Variants in MRPL47 observed in about 807,000 individuals in gnomAD.
MRPL47 encodes the protein large ribosomal subunit protein uL29m.
Under a neutral mutation model 34.0 loss-of-function variants are expected in MRPL47, and 31 were observed. The ratio of observed to expected loss-of-function variants is 0.91; its 90% confidence interval spans 0.68 to 1.23. The LOEUF (loss-of-function observed/expected upper bound fraction) is 1.23, where lower values mean the gene tolerates loss of function less well. Among genes scored for constraint, MRPL47 ranks in the 50% most tolerant of loss-of-function variants. MRPL47 has a pLI of 0.00. For synonymous variants in MRPL47, 106 were observed against 101.6 expected, an observed-to-expected ratio of 1.04 and a Z score of -0.26; for missense variants, 328 against 285.8, an observed-to-expected ratio of 1.15 and a Z score of -1.07.
intron 5 of MRPL47, among the ~76,000 whole-genome samples, chr3:179,593,479 CA>C (rs1296263548): frequency 3.3e-5 from 5 of 152,324 alleles, no homozygotes; most frequent in Admixed American, 1.3e-4. Flanking sequence ...ATCAAATTCT[CA>C]AAAGGCCTTG....
intron 4 of MRPL47, 53 bp from the exon 5 acceptor site, chr3:179,593,948 C>A: frequency 6.5e-7 from 1 of 1,533,178 alleles, no homozygotes; most frequent in Non-Finnish European, 8.9e-7. Flanking sequence ...TACAAAATTC[C>A]CAAAAAAGAG....
At chr3:179,589,559 A>C (rs1012589132) in intron 6 of MRPL47, among the ~76,000 whole-genome samples, 3 of 152,218 alleles carry the variant, frequency 2.0e-5, no homozygotes, top group Non-Finnish European at 4.4e-5. Flanking sequence ...AATGAAAAAA[A>C]TCCTTGCATA....
Position 179,601,776 on chromosome 3 carries a change from A to G in MRPL47, c.259T>C (p.Cys87Arg), listed in dbSNP as rs201249608. 101 of 1,609,384 alleles carry G rather than the reference A, an allele frequency of 6.3e-5. No homozygotes were observed. The East Asian group carries it at 1.5e-3, about 23-fold the overall frequency. The change falls in exon 3 of 7, where the codon TGT becomes CGT. Residue 87 changes from cysteine to arginine, a missense_variant. Coordinates refer to ENST00000476781, the MANE Select transcript of MRPL47 (RefSeq NM_020409.3). The part of the protein sequence containing the change: ...EKVKSGAAWT[C>R]QQLRNKSNED... ...TTACTTTTGTTCCTTAGTTGCTGAC[A>G]GGTCCATGCTGCTCCTATTAAAATA...
chr3:179,593,650 A>C, intron 5 of MRPL47, 115 bp downstream of exon 5: 3 of 857,564 alleles, frequency 3.5e-6, no homozygotes, highest in Non-Finnish European at 3.4e-6. Context: ...TTTATTAGAC[A>C]TATCTCTAAT....
intron 6 of MRPL47, among the ~76,000 whole-genome samples, chr3:179,591,448 T>C (rs929830699): frequency 2.0e-5 from 3 of 152,178 alleles, no homozygotes; most frequent in Admixed American, 2.0e-4. Flanking sequence ...AAAATAGCTC[T>C]TTAAAAAAAA....
At position 179,598,715 on chromosome 3, in the gene MRPL47, C is replaced by T. The variant is rs917879069; in HGVS notation, c.362G>A (p.Arg121Gln). The T allele has an allele frequency of 3.7e-6, 6 of 1,613,064 alleles. No individual in the cohort carries two copies. The East Asian group carries it at 8.9e-5, about 24-fold the overall frequency. Residue 121 changes from arginine to glutamine, a missense_variant, in exon 4 of 7, where the codon CGG becomes CAG. Arg to Gln is a conservative substitution (Grantham distance 43). Coordinates refer to ENST00000476781, the MANE Select transcript of MRPL47 (RefSeq NM_020409.3). ...MLLTLEQEAK[R>Q]QRLPMPSPER... is the part of the protein sequence containing the mutation. ...TGGACTTGGCATTGGCAATCTCTGCCGCTTGGCCTCCTGCTCTAGGGTTAG... is the reference window on the plus strand; with the variant it reads ...TGGACTTGGCATTGGCAATCTCTGCTGCTTGGCCTCCTGCTCTAGGGTTAG...
chr3:179,595,473 A>C (rs1217367127), intron 4 of MRPL47, among the ~76,000 whole-genome samples: 1 of 152,250 alleles, frequency 6.6e-6, no homozygotes, highest in Non-Finnish European at 1.5e-5. Flanking sequence ...CTGAAAAAGA[A>C]ATGATGACTA....
intron 6 of MRPL47, 129 bp from the exon 7 acceptor site, chr3:179,589,124 A>G (rs1718603259): frequency 6.8e-6 from 6 of 885,386 alleles, no homozygotes; most frequent in East Asian, 2.7e-5. Flanking sequence ...GGTGTGTTAT[A>G]TATATTATTA....
At chr3:179,590,915 C>T (rs542972283) in intron 6 of MRPL47, among the ~76,000 whole-genome samples, 12 of 152,180 alleles carry the variant, frequency 7.9e-5, no homozygotes, top group Admixed American at 1.3e-4. Flanking sequence ...AGATGACTGA[C>T]GGTTTAGGGC....
At chr3:179,589,633 T>TA (rs1185090619) in intron 6 of MRPL47, among the ~76,000 whole-genome samples, 14 of 152,120 alleles carry the variant, frequency 9.2e-5, no homozygotes, top group African/African-American at 3.4e-4. Context: ...TTATATAAAA[T>TA]ACAGCAATAA....
Position 179,593,745 on chromosome 3 carries a change from C to G in MRPL47, c.533+20G>C. 6.3e-7 allele frequency: 1 copy of G among 1,597,692 alleles called. No homozygotes were observed. The highest frequency in any genetic ancestry group is 2.2e-5 in the East Asian group (1 of 44,532). On this transcript the variant is annotated intron_variant, in intron 5 of 6. Transcript: ENST00000476781. ...GATTTCCACTCTCATCTTAGAAGAG[C>G]CACAGTGTTAACTACATACCAGATG...
At chr3:179,593,434 T>C (rs1718719219) in intron 5 of MRPL47, among the ~76,000 whole-genome samples, 1 of 152,216 alleles carries the variant, frequency 6.6e-6, no homozygotes, top group Admixed American at 6.5e-5. Flanking sequence ...TATGTGTACA[T>C]GTACATTTTT....
At chr3:179,598,427 A>ACACACACACAC (rs1445696121) in intron 4 of MRPL47, among the ~76,000 whole-genome samples, 70 of 49,136 alleles carry the variant, frequency 1.4e-3, no homozygotes, top group East Asian at 5.5e-3. Context: ...CACACACACA[A>ACACACACACAC]ACAAAAAAAA....
chr3:179,591,744 A>T (rs1267759716), intron 6 of MRPL47, among the ~76,000 whole-genome samples: 1 of 152,198 alleles, frequency 6.6e-6, no homozygotes, highest in African/African-American at 2.4e-5. Context: ...AACAGTAGAA[A>T]TTTTTCCATT....
chr3:179,604,363 G>A (rs1719006712), intron 1 of MRPL47, among the ~76,000 whole-genome samples, 164 bp downstream of exon 1: 1 of 152,230 alleles, frequency 6.6e-6, no homozygotes. Context: ...TGTCGGAGGT[G>A]AGCGACTTCT....
chr3:179,593,431 A>G (rs1354587651), intron 5 of MRPL47, among the ~76,000 whole-genome samples: 1 of 152,214 alleles, frequency 6.6e-6, no homozygotes, highest in African/African-American at 2.4e-5. Context: ...TGATATGTGT[A>G]CATGTACATT....
At chr3:179,598,427 A>ACACACACACACACACACACACAC (rs1445696121) in intron 4 of MRPL47, among the ~76,000 whole-genome samples, 1 of 49,152 alleles carries the variant, frequency 2.0e-5, no homozygotes, top group East Asian at 1.1e-3. Context: ...CACACACACA[A>ACACACACACACACACACACACAC]ACAAAAAAAA....
At chr3:179,601,620 C>T in intron 3 of MRPL47, 110 bp downstream of exon 3, 1 of 699,274 alleles carries the variant, frequency 1.4e-6, no homozygotes, top group Non-Finnish European at 2.5e-6. Context: ...CATAGTACTA[C>T]AAAAGAAATC....
At chr3:179,601,679 A>G in intron 3 of MRPL47, 51 bp downstream of exon 3, 1 of 1,123,740 alleles carries the variant, frequency 8.9e-7, no homozygotes, top group Non-Finnish European at 1.3e-6. Flanking sequence ...CCTCATTGTT[A>G]CACTATAACG....
Sources: gnomAD v4.1 joint callset for allele counts (sites outside exome capture counted in the v4.1 genomes callset) on GRCh38, gnomAD v4.1.1 for gene constraint, MANE v1.5 for transcripts, NCBI Gene and HGNC (gene_info 2026-07-23, HGNC 2026-07-21) for gene names.